Variants in MDGA2 observed in about 807,000 individuals in gnomAD.
MDGA2 encodes the protein MAM domain-containing glycosylphosphatidylinositol anchor protein 2.
Under a neutral mutation model 117.8 loss-of-function variants are expected in MDGA2, and 40 were observed. The ratio of observed to expected loss-of-function variants is 0.34; its 90% CI spans 0.26 to 0.44. The LOEUF (loss-of-function observed/expected upper bound fraction) is 0.44. Among genes scored for constraint, MDGA2 ranks in the 20% least tolerant of loss-of-function variants. MDGA2 has a pLI of 1.00. For synonymous variants in MDGA2, 452 were observed against 439.0 expected (o/e 1.03, Z -0.37); for missense variants, 1,123 against 1,250.6 (o/e 0.90, Z 1.54).
chr14:47,053,361 CT>C (rs1218358454), intron 7 of MDGA2, among the ~76,000 whole-genome samples: 1 of 151,754 alleles, frequency 6.6e-6, no homozygotes, highest in African/African-American at 2.4e-5. Flanking sequence ...TTTCTAATTG[CT>C]CACCAGAAAC....
intron 1 of MDGA2, among the ~76,000 whole-genome samples, chr14:47,439,237 T>C (rs1335843612): frequency 1.3e-5 from 2 of 152,128 alleles, no homozygotes; most frequent in South Asian, 2.1e-4. Flanking sequence ...GATATGGCAA[T>C]GACTTAAGTC....
At chr14:46,953,979 A>G (rs1885464464) in intron 9 of MDGA2, among the ~76,000 whole-genome samples, 3 of 152,008 alleles carry the variant, frequency 2.0e-5, no homozygotes, top group African/African-American at 7.2e-5. Context: ...TTTCCTATAT[A>G]ATCAAGCTGC....
In MDGA2 at chr14:47,485,743, T is replaced by C. The variant is rs185114701; in HGVS notation, c.281-184193A>G. On this transcript the variant is annotated intron_variant, in intron 1 of 16. Coordinates refer to ENST00000399232, the MANE Select transcript of MDGA2 (RefSeq NM_001113498.3). Reference sequence around the variant, plus strand: ...TCCAGCTGCGGCTGAAAGGGGACAATGCAGAGCTTGGGCCATGGCTTAAAG... The same window carrying C: ...TCCAGCTGCGGCTGAAAGGGGACAACGCAGAGCTTGGGCCATGGCTTAAAG... Among the ~76,000 whole-genome samples, 104 of 152,284 alleles carry C rather than the reference T, an allele frequency of 6.8e-4. 1 individual carries two copies. Among genetic ancestry groups the C allele is most frequent in the Middle Eastern group, 3.4e-3 (1 of 294 alleles).
At chr14:47,364,697 G>T (rs976251125) in intron 1 of MDGA2, among the ~76,000 whole-genome samples, 2 of 152,130 alleles carry the variant, frequency 1.3e-5, no homozygotes, top group African/African-American at 4.8e-5. Context: ...AAATAAAAAT[G>T]GTATATGTTT....
rs1442331254 is a variant in MDGA2, at chr14:47,674,909, G to A, written c.-113C>T. 7.5e-6 allele frequency: 4 copies of A among 536,582 alleles called. No homozygotes were observed. Among genetic ancestry groups the A allele is most frequent in the African/African-American group, 6.1e-5 (3 of 49,342 alleles). The allele number at this position is 536,582 out of a possible 1,614,324, so 33.2% of individuals were successfully genotyped here. A position where few individuals can be genotyped will look rare whatever the true frequency, so the allele number is the denominator to read the frequency against. ...TGCCTGGGAAAATCGCAGACGCCGG[G>A]GAGGAGCAGGGGGCGGTGATGGGAA... On this transcript the variant is annotated 5_prime_UTR_variant, in exon 1 of 17. Coordinates refer to ENST00000399232, the MANE Select transcript of MDGA2 (RefSeq NM_001113498.3).
In MDGA2 at chr14:47,347,789, G is replaced by A. The variant is rs1011699124; in HGVS notation, c.281-46239C>T. 3.9e-5 allele frequency among the ~76,000 whole-genome samples: 6 copies of A among 152,278 alleles called. No homozygotes were observed. The East Asian group carries it at 5.8e-4, about 15-fold the overall frequency. ...AAGAAAGTGTGAAGGACATCATTAC[G>A]ATGTCCAATATGTAAAAATGGACAA... On this transcript the variant is annotated intron_variant, in intron 1 of 16. Transcript: ENST00000399232.
chr14:47,057,458 C>T (rs1357345637), intron 7 of MDGA2, among the ~76,000 whole-genome samples: 45 of 151,800 alleles, frequency 3.0e-4, no homozygotes, highest in Non-Finnish European at 2.9e-5. Context: ...CTAAAGGAAA[C>T]ACTAATTTTA....
chr14:47,234,223 T>A (rs554067546), intron 2 of MDGA2, among the ~76,000 whole-genome samples: 1 of 150,226 alleles, frequency 6.7e-6, no homozygotes, highest in Non-Finnish European at 1.5e-5. Flanking sequence ...AAATTATAAA[T>A]ATTAAATGTA....
At chr14:47,272,087 A>C (rs1888164305) in intron 2 of MDGA2, among the ~76,000 whole-genome samples, 1 of 152,182 alleles carries the variant, frequency 6.6e-6, no homozygotes, top group Admixed American at 6.5e-5. Flanking sequence ...TCTTTAGTTA[A>C]GTATAAATAA....
chr14:47,460,059 T>G (rs1893450235), intron 1 of MDGA2, among the ~76,000 whole-genome samples: 1 of 152,174 alleles, frequency 6.6e-6, no homozygotes, highest in Non-Finnish European at 1.5e-5. Context: ...TCAAAATAAA[T>G]ATTTTCATTG....
At chr14:47,144,503 A>G (rs564639947) in intron 3 of MDGA2, among the ~76,000 whole-genome samples, 1 of 152,196 alleles carries the variant, frequency 6.6e-6, no homozygotes, top group Admixed American at 6.5e-5. Flanking sequence ...AATCTTGTAT[A>G]TTTCTAACTC....
chr14:47,510,489 TGGATA>T (rs1894616333), intron 1 of MDGA2, among the ~76,000 whole-genome samples: 1 of 152,214 alleles, frequency 6.6e-6, no homozygotes, highest in South Asian at 2.1e-4. Context: ...CTTTAGCCTT[TGGATA>T]TTAGCTTGAG....
At chr14:47,638,052 C>T (rs1229813556) in intron 1 of MDGA2, among the ~76,000 whole-genome samples, 2 of 152,166 alleles carry the variant, frequency 1.3e-5, no homozygotes, top group Admixed American at 6.5e-5. Context: ...ATCACAGAAG[C>T]TGGTTTAATG....
At chr14:47,472,909 A>C (rs575303632) in intron 1 of MDGA2, among the ~76,000 whole-genome samples, 6 of 152,114 alleles carry the variant, frequency 3.9e-5, no homozygotes, top group Admixed American at 1.3e-4. Flanking sequence ...TTTTTTTAAA[A>C]AACTCAAAAA....
In MDGA2 at chr14:46,920,065, T is replaced by C; in HGVS notation, c.2185A>G (p.Met729Val). 6.2e-7 allele frequency: 1 copy of C among 1,606,102 alleles called. No individual in the cohort carries two copies. Among genetic ancestry groups the C allele is most frequent in the Non-Finnish European group, 8.5e-7 (1 of 1,176,832 alleles). The change falls in exon 10 of 17, where the codon ATG becomes GTG. Residue 729 changes from methionine to valine, a missense_variant. Coordinates refer to ENST00000399232, the MANE Select transcript of MDGA2 (RefSeq NM_001113498.3). ...ATCCGATCCACTGCATCAGGATTCA[T>C]CTGTGTCCACTGTAGACTGTAAGAA... ...VYSYSLQWTQ[M>V]NPDAVDRIVA...
At chr14:47,243,088 A>G (rs913354846) in intron 2 of MDGA2, among the ~76,000 whole-genome samples, 2 of 151,426 alleles carry the variant, frequency 1.3e-5, no homozygotes, top group Admixed American at 1.3e-4. Flanking sequence ...TACACCAATC[A>G]GCACTCTGTA....
chr14:47,033,819 C>T (rs1888745990), intron 8 of MDGA2, among the ~76,000 whole-genome samples: 1 of 152,070 alleles, frequency 6.6e-6, no homozygotes, highest in South Asian at 2.1e-4. Flanking sequence ...TAAGCAGCAC[C>T]CAGAACCTTG....
chr14:46,883,521 A>G (rs916730602), intron 10 of MDGA2, among the ~76,000 whole-genome samples: 1 of 152,014 alleles, frequency 6.6e-6, no homozygotes, highest in Admixed American at 6.6e-5. Context: ...TTAGAATTAC[A>G]AGTGAGAATG....
At chr14:47,216,720 T>C (rs926545360) in intron 3 of MDGA2, among the ~76,000 whole-genome samples, 1 of 152,128 alleles carries the variant, frequency 6.6e-6, no homozygotes, top group Non-Finnish European at 1.5e-5. Flanking sequence ...ACAAAAAGTA[T>C]TCAATTCATG....
Sources: allele counts gnomAD v4.1 joint callset (sites outside exome capture counted in the v4.1 genomes callset), GRCh38; gene constraint gnomAD v4.1.1; transcripts MANE v1.5; gene names NCBI Gene and HGNC (gene_info 2026-07-23, HGNC 2026-07-21).